NDST3: variants seen among roughly 807,000 people sequenced by gnomAD.
NDST3 encodes the protein N-deacetylase and N-sulfotransferase 3.
A neutral mutation model predicts 96.1 loss-of-function variants in NDST3; 58 were observed. That is an observed-to-expected ratio of 0.60 (90% confidence interval 0.49 to 0.75). The LOEUF (loss-of-function observed/expected upper bound fraction) is 0.75. NDST3 is among the 30% of genes least tolerant of loss of function. NDST3 has a pLI of 0.00. For missense variants in NDST3, 788 were observed against 1,034.2 expected (o/e 0.76, Z 3.27); for synonymous variants, 333 against 359.7 (o/e 0.93, Z 0.84).
intron 6 of NDST3, among the ~76,000 whole-genome samples, chr4:118,198,471 C>A (rs907986790): frequency 3.3e-5 from 5 of 151,916 alleles, no homozygotes; most frequent in Non-Finnish European, 5.9e-5. Flanking sequence ...ACTTTGTGCC[C>A]CTGCTTTAAG....
At chr4:118,128,492 T>C (rs1732315886) in intron 4 of NDST3, among the ~76,000 whole-genome samples, 2 of 152,118 alleles carry the variant, frequency 1.3e-5, no homozygotes, top group South Asian at 4.1e-4. Flanking sequence ...TCATATTGAT[T>C]GATTTGTGTA....
intron 6 of NDST3, among the ~76,000 whole-genome samples, chr4:118,160,868 C>A (rs1292299308): frequency 6.6e-6 from 1 of 152,120 alleles, no homozygotes; most frequent in East Asian, 1.9e-4. Context: ...CTTCTCTCAA[C>A]TCGTCAAAGT....
At chr4:118,131,145 G>A (rs1732577172) in intron 4 of NDST3, among the ~76,000 whole-genome samples, 1 of 151,982 alleles carries the variant, frequency 6.6e-6, no homozygotes, top group South Asian at 2.1e-4. Context: ...TTATTCCTTT[G>A]AATAAACTTT....
chr4:118,233,587 A>C (rs1405010438), intron 9 of NDST3, among the ~76,000 whole-genome samples: 1 of 152,162 alleles, frequency 6.6e-6, no homozygotes, highest in East Asian at 1.9e-4. Context: ...TTTGTATATT[A>C]CATGAGTAAT....
At chr4:118,180,022 C>T (rs569289348) in intron 6 of NDST3, among the ~76,000 whole-genome samples, 1 of 152,078 alleles carries the variant, frequency 6.6e-6, no homozygotes, top group African/African-American at 2.4e-5. Flanking sequence ...TGGTTCTTAA[C>T]ACATCTAGGG....
At chr4:118,231,348 T>A (rs199856422) in intron 8 of NDST3, among the ~76,000 whole-genome samples, 7 of 80,224 alleles carry the variant, frequency 8.7e-5, no homozygotes, top group Middle Eastern at 7.1e-3. Flanking sequence ...AAAAAATAAA[T>A]AAATAATAAT....
At position 118,176,526 on chromosome 4, in the gene NDST3, T is replaced by C. The variant is rs746641220; in HGVS notation, c.1539+32842T>C. Among the ~76,000 whole-genome samples, 11 of 152,214 alleles carry C rather than the reference T, an allele frequency of 7.2e-5. No homozygotes were observed. The Middle Eastern group carries it at 0.01, about 141-fold the overall frequency. On this transcript the variant is annotated intron_variant, in intron 6 of 13. Coordinates refer to ENST00000296499, the MANE Select transcript of NDST3 (RefSeq NM_004784.3). The stretch of plus-strand genomic sequence containing the variant: ...AGCCCTAATGCTCTTATGAATCCAT[T>C]GCACGTGATGAGTTCACTTCTCTAG...
chr4:118,163,433 G>T (rs1578751604), intron 6 of NDST3, among the ~76,000 whole-genome samples: 1 of 152,036 alleles, frequency 6.6e-6, no homozygotes, highest in Non-Finnish European at 1.5e-5. Context: ...AAAAAATGAT[G>T]AGTTCATGTC....
chr4:118,051,400 G>C (rs143107650), intron 1 of NDST3, among the ~76,000 whole-genome samples: 109 of 152,210 alleles, frequency 7.2e-4, no homozygotes, highest in African/African-American at 2.6e-3. Flanking sequence ...AACAAAAGTT[G>C]ACTAGTGGGA....
At chr4:118,141,529 T>G (rs991327456) in intron 5 of NDST3, among the ~76,000 whole-genome samples, 4 of 152,196 alleles carry the variant, frequency 2.6e-5, no homozygotes, top group African/African-American at 4.8e-5. Context: ...GCATTGAAAT[T>G]CAAATAATTT....
chr4:118,077,234 C>A (rs1390766994), intron 2 of NDST3, among the ~76,000 whole-genome samples: 3 of 152,098 alleles, frequency 2.0e-5, no homozygotes, highest in Admixed American at 6.5e-5. Context: ...TTCACTGGGG[C>A]AATGGCAACA....
intron 12 of NDST3, among the ~76,000 whole-genome samples, chr4:118,248,571 A>G (rs1741466326): frequency 6.6e-6 from 1 of 152,254 alleles, no homozygotes; most frequent in South Asian, 2.1e-4. Context: ...TGAACAAAGT[A>G]TCCCCACCTC....
intron 6 of NDST3, among the ~76,000 whole-genome samples, chr4:118,222,284 A>G (rs1381672993): frequency 2.0e-5 from 3 of 151,994 alleles, no homozygotes; most frequent in African/African-American, 7.2e-5. Context: ...GTTTTTGTCA[A>G]TTATGTTCCT....
At chr4:118,226,738 C>G (rs1428382848) in intron 7 of NDST3, 148 bp from the exon 8 acceptor site, 2 of 584,150 alleles carry the variant, frequency 3.4e-6, no homozygotes, top group Admixed American at 6.6e-5. Flanking sequence ...TCCATGATGC[C>G]ACTTCAGGGC....
chr4:118,153,545 G>C (rs1478048187), intron 6 of NDST3, among the ~76,000 whole-genome samples: 3 of 152,172 alleles, frequency 2.0e-5, no homozygotes, highest in African/African-American at 7.2e-5. Context: ...AAGTTTGGCT[G>C]GGTGTGGTGG....
chr4:118,096,756 G>C lies in NDST3; in HGVS notation c.982-8262G>C, dbSNP rs138523157. On this transcript the variant is annotated intron_variant, in intron 2 of 13. Transcript: ENST00000296499. ...TAAGGAATTGGCTTATGAGGTTATG[G>C]AGGCTGAGAAGTCTCAAGATATGCA... Among the ~76,000 whole-genome samples, 580 of 151,940 alleles carry C rather than the reference G, an allele frequency of 3.8e-3. 6 individuals carry two copies. The highest frequency in any genetic ancestry group is 0.013 in the African/African-American group (546 of 41,512).
At chr4:118,079,675 T>A (rs1424435150) in intron 2 of NDST3, among the ~76,000 whole-genome samples, 1 of 152,154 alleles carries the variant, frequency 6.6e-6, no homozygotes, top group Admixed American at 6.5e-5. Flanking sequence ...TTGGATATCT[T>A]TGGCAAGGGA....
At chr4:118,071,623 T>C (rs1024226603) in intron 2 of NDST3, among the ~76,000 whole-genome samples, 30 of 152,120 alleles carry the variant, frequency 2.0e-4, no homozygotes, top group African/African-American at 6.8e-4. Context: ...CTGCATGATA[T>C]TCCATGGCAT....
chr4:118,221,100 T>C (rs1739511319), intron 6 of NDST3, among the ~76,000 whole-genome samples: 1 of 151,932 alleles, frequency 6.6e-6, no homozygotes, highest in Non-Finnish European at 1.5e-5. Flanking sequence ...TAAAGACTGG[T>C]GATCAGAATG....
Sources: gnomAD v4.1 joint callset for allele counts (sites outside exome capture counted in the v4.1 genomes callset) on GRCh38, gnomAD v4.1.1 for gene constraint, MANE v1.5 for transcripts, NCBI Gene and HGNC (gene_info 2026-07-23, HGNC 2026-07-21) for gene names.